WDFY3: variants seen among roughly 807,000 people sequenced by gnomAD.
WDFY3 encodes the protein WD repeat and FYVE domain containing 3.
Under a neutral mutation model 409.6 loss-of-function variants are expected in WDFY3, and 66 were observed. The observed-to-expected ratio is 0.16, with a 90% CI of 0.13 to 0.20. The LOEUF is 0.20. Ranked by LOEUF, WDFY3 falls within the 10% of genes least tolerant of loss-of-function variation. The pLI is 1.00. For synonymous variants in WDFY3, 1,521 were observed against 1,537.1 expected (o/e 0.99, Z 0.25); for missense variants, 3,031 against 4,298.1 (o/e 0.71, Z 8.24).
chr4:84,877,383 G>T, intron 3 of WDFY3, among the ~76,000 whole-genome samples: 1 of 152,144 alleles, frequency 6.6e-6, no homozygotes, highest in South Asian at 2.1e-4. Context: ...GCCCAGGCTG[G>T]AGTGCAGTTA....
intron 4 of WDFY3, 70 bp from the exon 5 acceptor site, chr4:84,850,095 G>T (rs1758670092): frequency 2.0e-6 from 3 of 1,497,882 alleles, no homozygotes; most frequent in Non-Finnish European, 2.7e-6. Flanking sequence ...GAATTTTCAA[G>T]TGTGGTATGA....
Position 84,678,900 on chromosome 4 carries a change from A to G in WDFY3, c.10147+19T>C. The G allele has an allele frequency of 6.3e-7, 1 of 1,598,714 alleles. No homozygotes were observed. Among genetic ancestry groups the G allele is most frequent in the Non-Finnish European group, 8.5e-7 (1 of 1,171,704 alleles). On this transcript the variant is annotated intron_variant, in intron 65 of 67. Coordinates refer to ENST00000295888, the MANE Select transcript of WDFY3 (RefSeq NM_014991.6). Reference sequence around the variant, plus strand: ...ACCACATATAAGGAGTGAGAAATAGATACCAGACTTCAAGTTACCAGGTTT... The same window carrying G: ...ACCACATATAAGGAGTGAGAAATAGGTACCAGACTTCAAGTTACCAGGTTT...
intron 34 of WDFY3, 89 bp downstream of exon 34, chr4:84,755,177 G>A: frequency 1.3e-6 from 2 of 1,544,788 alleles, no homozygotes; most frequent in Admixed American, 2.2e-5. Context: ...AAATAAAGTA[G>A]TTATGTTACC....
chr4:84,788,147 T>A (rs1747865044), intron 22 of WDFY3, among the ~76,000 whole-genome samples: 1 of 152,152 alleles, frequency 6.6e-6, no homozygotes, highest in African/African-American at 2.4e-5. Flanking sequence ...TTTATAGGGG[T>A]AAATTATTAT....
chr4:84,761,102 G>A (rs1286576872), intron 32 of WDFY3, among the ~76,000 whole-genome samples: 1 of 152,110 alleles, frequency 6.6e-6, no homozygotes, highest in Non-Finnish European at 1.5e-5. Context: ...CAGTTTCCAT[G>A]TAGTTGAGCG....
intron 3 of WDFY3, among the ~76,000 whole-genome samples, chr4:84,867,820 T>A (rs1338595826): frequency 6.6e-6 from 1 of 152,164 alleles, no homozygotes; most frequent in Non-Finnish European, 1.5e-5. Context: ...CTACATTCAA[T>A]AAATGTAATG....
chr4:84,762,014 G>T (rs986657106), intron 32 of WDFY3, among the ~76,000 whole-genome samples: 1 of 152,142 alleles, frequency 6.6e-6, no homozygotes, highest in African/African-American at 2.4e-5. Context: ...CACTGTTGGT[G>T]GGACTGTAAA....
chr4:84,680,627 C>A (rs1052293318), intron 64 of WDFY3, among the ~76,000 whole-genome samples: 4 of 152,158 alleles, frequency 2.6e-5, no homozygotes, highest in African/African-American at 7.2e-5. Context: ...TCTGTGGGTT[C>A]CACATCCATG....
At chr4:84,950,942 G>A (rs1296720963) in intron 1 of WDFY3, among the ~76,000 whole-genome samples, 4 of 152,136 alleles carry the variant, frequency 2.6e-5, no homozygotes, top group African/African-American at 4.8e-5. Flanking sequence ...TACTAGGGAG[G>A]GCCTTACCCT....
At chr4:84,963,741 C>G (rs957027833) in intron 1 of WDFY3, among the ~76,000 whole-genome samples, 3 of 152,120 alleles carry the variant, frequency 2.0e-5, no homozygotes, top group African/African-American at 7.2e-5. Flanking sequence ...GTCTAGTATA[C>G]CCTGTTTATG....
intron 67 of WDFY3, 148 bp downstream of exon 67, chr4:84,677,048 AAAG>A (rs1401504741): frequency 4.6e-6 from 4 of 876,492 alleles, no homozygotes; most frequent in Non-Finnish European, 6.7e-6. Context: ...TTGTAGTAAT[AAAG>A]AAGAACAGAA....
At chr4:84,684,210 G>A in intron 62 of WDFY3, 85 bp from the exon 63 acceptor site, 1 of 1,351,418 alleles carries the variant, frequency 7.4e-7, no homozygotes. Context: ...CCCTGGCCTA[G>A]TTCTCAGAAA....
At position 84,715,776 on chromosome 4, in the gene WDFY3, GAAAAAAAAAA is replaced by G. The variant is rs370627075; in HGVS notation, c.7876-403_7876-394del. 3.4e-3 allele frequency among the ~76,000 whole-genome samples: 157 copies of G among 46,458 alleles called. 1 individual carries two copies. Among genetic ancestry groups the G allele is most frequent in the Non-Finnish European group, 5.3e-3 (126 of 23,984 alleles). The allele number at this position is 46,458 out of a possible 152,430, so 30.5% of individuals were successfully genotyped here. ...GGCAACAGAGCGAGACTCTGTCTCA[GAAAAAAAAAA>G]AAAAAAAAAAAAGAAGTTAATTTGC... On this transcript the variant is annotated intron_variant, in intron 49 of 67. Transcript: ENST00000295888.
At chr4:84,758,733 T>G (rs1406727489) in intron 32 of WDFY3, among the ~76,000 whole-genome samples, 2 of 152,114 alleles carry the variant, frequency 1.3e-5, no homozygotes, top group Non-Finnish European at 2.9e-5. Context: ...ATAAAAAAAT[T>G]ATATAGCAAT....
At chr4:84,694,220 T>C (rs559594833) in intron 58 of WDFY3, among the ~76,000 whole-genome samples, 6 of 152,340 alleles carry the variant, frequency 3.9e-5, no homozygotes, top group Admixed American at 1.3e-4. Context: ...ATACATAGTT[T>C]TAAAGCACTT....
intron 3 of WDFY3, among the ~76,000 whole-genome samples, chr4:84,871,797 G>A (rs868678318): frequency 2.6e-5 from 4 of 151,930 alleles, no homozygotes; most frequent in African/African-American, 9.7e-5. Context: ...ACCACGGCCA[G>A]TTAATTTTTG....
chr4:84,921,163 T>A (rs1769216757), intron 2 of WDFY3, among the ~76,000 whole-genome samples: 1 of 152,160 alleles, frequency 6.6e-6, no homozygotes, highest in Non-Finnish European at 1.5e-5. Flanking sequence ...TGGTATAACA[T>A]AATTGATATA....
chr4:84,775,094 T>C lies in WDFY3; in HGVS notation c.4563A>G (p.Glu1521=). Residue 1521 remains glutamate (E), a synonymous_variant, in exon 28 of 68, where the codon GAA becomes GAG. Coordinates refer to ENST00000295888, the MANE Select transcript of WDFY3 (RefSeq NM_014991.6). ...ACTCTGTGAGCAGTTCAATAAAGTGTTCAAATAAGGAAAGATGAAGTTCAT... is the reference window on the plus strand; with the variant it reads ...ACTCTGTGAGCAGTTCAATAAAGTGCTCAAATAAGGAAAGATGAAGTTCAT... ...APYELHLSLF[E]HFIELLTESS... 1.2e-6 allele frequency: 2 copies of C among 1,613,618 alleles called. No individual in the cohort carries two copies. The highest frequency in any genetic ancestry group is 1.7e-6 in the Non-Finnish European group (2 of 1,179,844).
At chr4:84,789,669 ACCC>A (rs1491329454) in intron 22 of WDFY3, 54 bp downstream of exon 22, 7 of 1,057,616 alleles carry the variant, frequency 6.6e-6, no homozygotes, top group South Asian at 5.3e-5. Context: ...ACACACACAC[ACCC>A]CCCAAACTAC....
Sources: allele counts gnomAD v4.1 joint callset (sites outside exome capture counted in the v4.1 genomes callset), GRCh38; gene constraint gnomAD v4.1.1; transcripts MANE v1.5; gene names NCBI Gene and HGNC (gene_info 2026-07-23, HGNC 2026-07-21).